The following M1AP variants were observed in gnomAD, a reference collection of about 807,000 sequenced individuals.
The protein encoded by M1AP is meiosis 1 associated protein.
A neutral mutation model predicts 51.2 loss-of-function variants in M1AP; 39 were observed. The observed-to-expected ratio is 0.76, with a 90% confidence interval of 0.59 to 1.00. M1AP has a LOEUF of 1.00. Ranked by LOEUF, M1AP falls within the 50% of genes least tolerant of loss-of-function variation. M1AP has a pLI of 0.00. For missense variants in M1AP, 545 were observed against 641.2 expected, an observed-to-expected ratio of 0.85 and a Z score of 1.62; for synonymous variants, 251 against 249.2, an observed-to-expected ratio of 1.01 and a Z score of -0.07.
At position 74,559,257 on chromosome 2, in the gene M1AP, C is replaced by T. The variant is rs555693692; in HGVS notation, c.1435-383G>A. 4.7e-4 allele frequency among the ~76,000 whole-genome samples: 71 copies of T among 152,094 alleles called. 1 individual carries two copies. The highest frequency in any genetic ancestry group is 1.7e-3 in the South Asian group (8 of 4,820). ...CACTGCAGCCTTGACCTCCTGGGCT[C>T]AAGCAATCCCCCGACCTTAGCCTCC... is the stretch of plus-strand genomic sequence containing the variant. On this transcript the variant is annotated intron_variant, in intron 10 of 10. Transcript: ENST00000421985.
chr2:74,614,912 A>G, intron 3 of M1AP, 52 bp downstream of exon 3: 2 of 1,482,738 alleles, frequency 1.3e-6, no homozygotes, highest in Non-Finnish European at 1.9e-6. Flanking sequence ...AATGACCTAT[A>G]TGGACTGAAA....
At chr2:74,608,796 T>C (rs1681159948) in intron 3 of M1AP, among the ~76,000 whole-genome samples, 1 of 152,248 alleles carries the variant, frequency 6.6e-6, no homozygotes. Flanking sequence ...TATGTGGTGG[T>C]ATTTCATTGT....
At chr2:74,605,626 C>T (rs554748146) in intron 4 of M1AP, among the ~76,000 whole-genome samples, 8 of 152,166 alleles carry the variant, frequency 5.3e-5, no homozygotes, top group East Asian at 1.9e-4. Context: ...TGCTGCTGGG[C>T]GCGGAGGCTC....
intron 4 of M1AP, among the ~76,000 whole-genome samples, chr2:74,606,497 A>T (rs1681008628): frequency 6.6e-6 from 1 of 152,232 alleles, no homozygotes; most frequent in African/African-American, 2.4e-5. Flanking sequence ...ACAGCTGTCC[A>T]ACACACATGA....
chr2:74,646,847 G>C (rs1160604852), intron 1 of M1AP, among the ~76,000 whole-genome samples: 1 of 152,128 alleles, frequency 6.6e-6, no homozygotes, highest in Non-Finnish European at 1.5e-5. Flanking sequence ...AGATCTCTTT[G>C]AATGGTTTCA....
rs565792038 is a variant in M1AP, at chr2:74,604,151, A to G, written c.595+2904T>C. The stretch of plus-strand genomic sequence containing the variant: ...TAGCATGGTATAGATGGCCATTTCC[A>G]TCTAACCCTTGCCTACCTTTATGCC... On this transcript the variant is annotated intron_variant, in intron 4 of 10. Coordinates refer to ENST00000421985, the MANE Select transcript of M1AP (RefSeq NM_001321739.2). 3.3e-5 allele frequency among the ~76,000 whole-genome samples: 5 copies of G among 152,328 alleles called. No individual in the cohort carries two copies. The South Asian group carries it at 1.0e-3, about 32-fold the overall frequency.
chr2:74,566,185 G>T (rs373680087), intron 7 of M1AP, among the ~76,000 whole-genome samples: 1 of 152,158 alleles, frequency 6.6e-6, no homozygotes. Flanking sequence ...AAGATATTGC[G>T]TGTGTCAACA....
intron 4 of M1AP, among the ~76,000 whole-genome samples, chr2:74,593,136 G>C (rs1204218553): frequency 3.3e-5 from 5 of 152,150 alleles, no homozygotes. Flanking sequence ...GGAATGAGGA[G>C]AGAAAAGGTG....
chr2:74,648,088 C>T (rs1277186334), intron 1 of M1AP, 177 bp downstream of exon 1: 1 of 985,462 alleles, frequency 1.0e-6, no homozygotes, highest in Non-Finnish European at 1.2e-6. Flanking sequence ...GGGATGACTC[C>T]GACAGCGATT....
intron 4 of M1AP, among the ~76,000 whole-genome samples, chr2:74,596,616 C>CAACAAA (rs1553412240): frequency 6.6e-6 from 1 of 151,992 alleles, no homozygotes; most frequent in African/African-American, 2.4e-5. Context: ...ACAACAACAA[C>CAACAAA]AAACAGTAAG....
chr2:74,602,578 G>A (rs1680736228), intron 4 of M1AP, among the ~76,000 whole-genome samples: 1 of 152,118 alleles, frequency 6.6e-6, no homozygotes, highest in Non-Finnish European at 1.5e-5. Context: ...TTTAGACTTG[G>A]GCAACCTAAT....
Position 74,610,441 on chromosome 2 carries a change from G to A in M1AP, c.427-3218C>T, listed in dbSNP as rs144699422. 1.9e-3 allele frequency among the ~76,000 whole-genome samples: 289 copies of A among 152,046 alleles called. 4 individuals are homozygous for A. Among genetic ancestry groups the A allele is most frequent in the African/African-American group, 6.6e-3 (275 of 41,472 alleles). ...AAAAAAAATCCTTGCCCAGACCAAT[G>A]TCACAAATTGTTTCCCTCATTTTAA... On this transcript the variant is annotated intron_variant, in intron 3 of 10. Transcript: ENST00000421985.
chr2:74,617,692 T>C (rs956238588), intron 2 of M1AP, among the ~76,000 whole-genome samples: 4 of 152,182 alleles, frequency 2.6e-5, no homozygotes, highest in African/African-American at 7.2e-5. Context: ...AAAAAATTCA[T>C]ACCATTTGTT....
At chr2:74,608,252 T>C (rs541618303) in intron 3 of M1AP, among the ~76,000 whole-genome samples, 3 of 152,194 alleles carry the variant, frequency 2.0e-5, no homozygotes, top group Non-Finnish European at 4.4e-5. Context: ...TCCCTCCTTC[T>C]CCTCAACCCT....
intron 3 of M1AP, among the ~76,000 whole-genome samples, chr2:74,609,964 C>G (rs1404279199): frequency 6.6e-6 from 1 of 151,978 alleles, no homozygotes; most frequent in Admixed American, 6.6e-5. Context: ...GCATAGTTTA[C>G]AAATATTTTC....
intron 4 of M1AP, among the ~76,000 whole-genome samples, chr2:74,593,313 G>A (rs184213863): frequency 6.6e-6 from 1 of 152,148 alleles, no homozygotes; most frequent in Non-Finnish European, 1.5e-5. Flanking sequence ...GTCTGGTTAG[G>A]TTCCAGTACC....
intron 1 of M1AP, among the ~76,000 whole-genome samples, chr2:74,642,794 T>C (rs567653323): frequency 6.6e-6 from 1 of 152,380 alleles, no homozygotes; most frequent in East Asian, 1.9e-4. Context: ...TTAATTTACA[T>C]TTCAAAGAAC....
intron 5 of M1AP, among the ~76,000 whole-genome samples, chr2:74,580,164 T>C (rs577036960): frequency 2.6e-5 from 4 of 152,214 alleles, no homozygotes; most frequent in Non-Finnish European, 4.4e-5. Context: ...GATAGCATCT[T>C]AGATTCAATG....
At chr2:74,563,767 C>A (rs1157136268) in intron 7 of M1AP, among the ~76,000 whole-genome samples, 1 of 152,060 alleles carries the variant, frequency 6.6e-6, no homozygotes, top group African/African-American at 2.4e-5. Context: ...GAGGGTGGCA[C>A]TTTGCCATGT....
Sources: gnomAD v4.1 joint callset for allele counts (sites outside exome capture counted in the v4.1 genomes callset) on GRCh38, gnomAD v4.1.1 for gene constraint, MANE v1.5 for transcripts, NCBI Gene and HGNC (gene_info 2026-07-23, HGNC 2026-07-21) for gene names.